Variants in SH3RF1 observed in about 807,000 individuals in gnomAD.
SH3RF1 encodes the protein SH3 domain containing ring finger 1, also known as E3 ubiquitin-protein ligase SH3RF1.
In SH3RF1, 32 loss-of-function variants were observed where a neutral mutation model predicts 74.0. The observed-to-expected ratio is 0.43, with a 90% confidence interval of 0.33 to 0.58. The LOEUF (loss-of-function observed/expected upper bound fraction) is 0.58. Ranked by LOEUF, SH3RF1 falls within the 20% of genes least tolerant of loss-of-function variation. SH3RF1 has a pLI of 0.05. For missense variants in SH3RF1, 954 were observed against 1,130.9 expected (o/e 0.84, Z 2.24); for synonymous variants, 396 against 439.6 (o/e 0.90, Z 1.24).
In SH3RF1 at chr4:169,094,566, AGTC is replaced by A. The variant is rs1732880495; in HGVS notation, c.*1950_*1952del. 1 of 152,162 alleles carries A rather than the reference AGTC, an allele frequency of 6.6e-6. No individual in the cohort carries two copies. Among genetic ancestry groups the A allele is most frequent in the African/African-American group, 2.4e-5 (1 of 41,450 alleles). The allele number at this position is 152,162 out of a possible 1,614,324, so 9.4% of individuals were successfully genotyped here. Reference sequence around the variant, plus strand: ...TAAAAAAATTATCTTAACCTGTAGTAGTCTTTTTTCTTTTTAAAATTTTTATAA... The same window carrying A: ...TAAAAAAATTATCTTAACCTGTAGTATTTTTTCTTTTTAAAATTTTTATAA... On this transcript the variant is annotated 3_prime_UTR_variant, in exon 12 of 12. Transcript: ENST00000284637.
At chr4:169,197,655 A>G (rs1447626311) in intron 2 of SH3RF1, among the ~76,000 whole-genome samples, 1 of 150,634 alleles carries the variant, frequency 6.6e-6, no homozygotes, top group Non-Finnish European at 1.5e-5. Context: ...CCTTAGAATA[A>G]TTGTGTTTGT....
chr4:169,260,730 A>G (rs1429214192), intron 2 of SH3RF1, among the ~76,000 whole-genome samples: 9 of 152,326 alleles, frequency 5.9e-5, no homozygotes, highest in Middle Eastern at 3.4e-3. Flanking sequence ...AGCAATAGTG[A>G]TAATAAATGA....
chr4:169,247,921 C>G (rs546467838), intron 2 of SH3RF1, among the ~76,000 whole-genome samples: 1 of 152,204 alleles, frequency 6.6e-6, no homozygotes, highest in East Asian at 1.9e-4. Flanking sequence ...TAGAGAAATG[C>G]AAATCAAAGC....
chr4:169,254,247 C>T (rs1171497788), intron 2 of SH3RF1, among the ~76,000 whole-genome samples: 1 of 152,194 alleles, frequency 6.6e-6, no homozygotes, highest in Non-Finnish European at 1.5e-5. Context: ...AACTGACCAC[C>T]TACTACTTTT....
intron 11 of SH3RF1, among the ~76,000 whole-genome samples, chr4:169,106,491 T>TAA (rs201979539): frequency 7.1e-6 from 1 of 141,784 alleles, no homozygotes; most frequent in African/African-American, 2.6e-5. Flanking sequence ...GGCAAAAAAT[T>TAA]AAAAAAAAAA....
At chr4:169,133,128 T>C (rs946142374) in intron 5 of SH3RF1, among the ~76,000 whole-genome samples, 1 of 152,190 alleles carries the variant, frequency 6.6e-6, no homozygotes, top group Non-Finnish European at 1.5e-5. Context: ...GACCCACTTA[T>C]ATGGTGTAGA....
At chr4:169,270,746 G>C (rs931182297) in intron 1 of SH3RF1, 113 bp downstream of exon 1, 12 of 152,232 alleles carry the variant, frequency 7.9e-5, no homozygotes, top group Non-Finnish European at 1.8e-4. Flanking sequence ...CGAGGGGAGA[G>C]AGAGACCGAC....
intron 2 of SH3RF1, among the ~76,000 whole-genome samples, chr4:169,236,831 G>A (rs1482618950): frequency 6.6e-6 from 1 of 152,038 alleles, no homozygotes; most frequent in Non-Finnish European, 1.5e-5. Flanking sequence ...TAGGCTCAAA[G>A]GCTAACAAAT....
chr4:169,112,653 TAAAGGGCACGTACAA>T (rs1464817974), intron 10 of SH3RF1, among the ~76,000 whole-genome samples: 1 of 152,100 alleles, frequency 6.6e-6, no homozygotes, highest in East Asian at 1.9e-4. Flanking sequence ...CTCAAATTTT[TAAAGGGCACGTACAA>T]AAAGATCAAG....
rs547461599 is a variant in SH3RF1, at chr4:169,122,201, T to G, written c.1245A>C (p.Pro415=). The G allele has an allele frequency of 1.9e-6, 3 of 1,613,048 alleles. No homozygotes were observed. Among genetic ancestry groups the G allele is most frequent in the Non-Finnish European group, 2.5e-6 (3 of 1,179,792 alleles). Residue 415 remains proline (P), a synonymous_variant, in exon 7 of 12, where the codon CCA becomes CCC. Transcript: ENST00000284637. ...CAGCAGCAGCAGCGGCGGTGGCGCC[T>G]GGTGGTGTGGAGGCAAGGACAGTGG... ...LAATVLASTP[P]GATAAAAAAG... is the part of the protein sequence containing the mutation.
At chr4:169,234,642 G>C (rs753513982) in intron 2 of SH3RF1, among the ~76,000 whole-genome samples, 4 of 152,114 alleles carry the variant, frequency 2.6e-5, no homozygotes, top group Non-Finnish European at 4.4e-5. Context: ...AGAAAGTACT[G>C]CCTGGCATTG....
chr4:169,103,612 T>C (rs988873719), intron 11 of SH3RF1, among the ~76,000 whole-genome samples: 1 of 152,238 alleles, frequency 6.6e-6, no homozygotes. Context: ...ACTTGGTGGC[T>C]TTTAATTAAT....
intron 2 of SH3RF1, among the ~76,000 whole-genome samples, chr4:169,239,981 G>A (rs1011900665): frequency 9.2e-5 from 14 of 152,116 alleles, no homozygotes; most frequent in East Asian, 3.9e-4. Context: ...CCAAGATCAC[G>A]CCACTTTACT....
intron 2 of SH3RF1, among the ~76,000 whole-genome samples, chr4:169,234,966 G>A (rs2127009440): frequency 6.6e-6 from 1 of 152,156 alleles, no homozygotes; most frequent in Non-Finnish European, 1.5e-5. Context: ...ATTACCAAAT[G>A]TCCCTTAAGA....
intron 10 of SH3RF1, among the ~76,000 whole-genome samples, chr4:169,114,200 C>T (rs142576818): frequency 2.6e-5 from 4 of 152,298 alleles, no homozygotes; most frequent in Admixed American, 2.6e-4. Context: ...CTGGTTCCTT[C>T]TGGAGGCCAC....
chr4:169,218,482 T>C (rs1055349482), intron 2 of SH3RF1, among the ~76,000 whole-genome samples: 7 of 145,372 alleles, frequency 4.8e-5, no homozygotes, highest in Admixed American at 1.4e-4. Flanking sequence ...ATATATTATA[T>C]ATTTTATATA....
At chr4:169,152,784 G>T (rs1733995518) in intron 4 of SH3RF1, among the ~76,000 whole-genome samples, 1 of 152,216 alleles carries the variant, frequency 6.6e-6, no homozygotes, top group South Asian at 2.1e-4. Flanking sequence ...TACCACCATC[G>T]CTATTTTATC....
chr4:169,138,606 C>T (rs1295139393), intron 4 of SH3RF1, among the ~76,000 whole-genome samples: 2 of 151,950 alleles, frequency 1.3e-5, no homozygotes, highest in East Asian at 3.9e-4. Context: ...CTCATTGAGG[C>T]AAAAAATATG....
At chr4:169,234,229 G>A (rs1199824324) in intron 2 of SH3RF1, among the ~76,000 whole-genome samples, 1 of 152,098 alleles carries the variant, frequency 6.6e-6, no homozygotes, top group Non-Finnish European at 1.5e-5. Flanking sequence ...TTAATCGGGA[G>A]TCCAGAAGGA....
Sources: allele counts gnomAD v4.1 joint callset (sites outside exome capture counted in the v4.1 genomes callset), GRCh38; gene constraint gnomAD v4.1.1; transcripts MANE v1.5; gene names NCBI Gene and HGNC (gene_info 2026-07-23, HGNC 2026-07-21).